Variants in GABBR1 observed in about 807,000 individuals in gnomAD.
The protein encoded by GABBR1 is gamma-aminobutyric acid type B receptor subunit 1.
GABBR1 carries 35 observed loss-of-function variants against 117.7 expected under a neutral mutation model. The ratio of observed to expected loss-of-function variants is 0.30; its 90% CI spans 0.23 to 0.39. GABBR1 has a LOEUF of 0.39. GABBR1 is among the 10% of genes least tolerant of loss of function. GABBR1 has a pLI of 1.00. For missense variants in GABBR1, 709 were observed against 1,241.8 expected, an observed-to-expected ratio of 0.57 and a Z score of 6.45; for synonymous variants, 442 against 486.6, an observed-to-expected ratio of 0.91 and a Z score of 1.21.
At position 29,604,603 on chromosome 6, in the gene GABBR1, G is replaced by A. The variant is rs746879469; in HGVS notation, c.2603C>T (p.Ser868Leu). The A allele has an allele frequency of 6.8e-6, 11 of 1,613,066 alleles. No homozygotes were observed. The highest frequency in any genetic ancestry group is 4.0e-5 in the African/African-American group (3 of 74,900). The stretch of plus-strand genomic sequence containing the variant: ...TGTCTTCATGGTGTCCTGCGCCTCC[G>A]ACTGCCATTCCCCTCGGGTGATCAG... ...RRLITRGEWQ[S>L]EAQDTMKTGS... The change falls in exon 22 of 23, where the codon TCG becomes TTG. Residue 868 changes from serine to leucine, a missense_variant. By Grantham distance (145) the Ser-to-Leu change is moderately radical. Transcript: ENST00000377034. This position sits in a 1 kb window ranked among gnomAD's most constrained non-coding sequence, Gnocchi z 5.3.
rs182037569 is a variant in GABBR1, at chr6:29,610,328, A to C, written c.1708+596T>G. Among the ~76,000 whole-genome samples, 4 of 152,336 alleles carry C rather than the reference A, an allele frequency of 2.6e-5. No individual in the cohort carries two copies. The East Asian group carries it at 5.8e-4, about 22-fold the overall frequency. Reference sequence around the variant, plus strand: ...TTTGAGGGATGTAATACTACCTATTAGGTACAAGGTGCACTGTTCGGGTGA... The same window carrying C: ...TTTGAGGGATGTAATACTACCTATTCGGTACAAGGTGCACTGTTCGGGTGA... On this transcript the variant is annotated intron_variant, in intron 14 of 22. Transcript: ENST00000377034.
At position 29,611,849 on chromosome 6, in the gene GABBR1, T is replaced by TAA. The variant is rs28383950; in HGVS notation, c.1630+700_1630+701dup. ...AGCAAGGAAATTTGGCAGATTCCCT[T>TAA]AAAAAAAAAATAGCGGTTCTCCTAG... On this transcript the variant is annotated intron_variant, in intron 13 of 22. Coordinates refer to ENST00000377034, the MANE Select transcript of GABBR1 (RefSeq NM_001470.4). This position sits in a 1 kb window ranked among gnomAD's most constrained non-coding sequence, Gnocchi z 4.6. 6.7e-6 allele frequency among the ~76,000 whole-genome samples: 1 copy of TAA among 149,734 alleles called. No homozygotes were observed. The highest frequency in any genetic ancestry group is 2.4e-5 in the African/African-American group (1 of 40,898).
rs1762282483 is a variant in GABBR1 at position 29,609,289 on chromosome 6, C to T, written c.1799G>A (p.Ser600Asn). ...GACAACAGCTAGGACAATGCCCAGG[C>T]TGGAGAGAACTGAGACGGAGATAAA... ...KLFISVSVLS[S>N]LGIVLAVVCL... Residue 600 changes from serine (S) to asparagine (N), a missense_variant, in exon 15 of 23, where the codon AGC becomes AAC. Physicochemically the swap from Ser to Asn is conservative, Grantham distance 46. Around this residue, in one of 9 missense-constraint regions of GABBR1, gnomAD observed 251 missense variants for 445.3 expected, o/e 0.56. Transcript: ENST00000377034. The surrounding 1 kb of genome is among the most constrained non-coding windows in gnomAD (Gnocchi z 4.3). 6.2e-7 allele frequency: 1 copy of T among 1,612,842 alleles called. No homozygotes were observed. The highest frequency in any genetic ancestry group is 1.3e-5 in the African/African-American group (1 of 74,888).
At position 29,631,300 on chromosome 6, in the gene GABBR1, C is replaced by T; in HGVS notation, c.289+96G>A. 8.0e-7 allele frequency: 1 copy of T among 1,243,154 alleles called. No homozygotes were observed. The highest frequency in any genetic ancestry group is 1.3e-5 in the South Asian group (1 of 79,164). The allele number at this position is 1,243,154 out of a possible 1,614,324, so 77.0% of individuals were successfully genotyped here. The stretch of plus-strand genomic sequence containing the variant: ...AAATGTATTTGTGAATTTTGGTATA[C>T]TGGATTTAAAGTGCTGACTTGCAAG... On this transcript the variant is annotated intron_variant, in intron 3 of 22. Transcript: ENST00000377034. This position sits in a 1 kb window ranked among gnomAD's most constrained non-coding sequence, Gnocchi z 5.9.
Position 29,603,370 on chromosome 6 carries a change from T to C in GABBR1, c.*173A>G, listed in dbSNP as rs1761583174. On this transcript the variant is annotated 3_prime_UTR_variant, in exon 23 of 23. Coordinates refer to ENST00000377034, the MANE Select transcript of GABBR1 (RefSeq NM_001470.4). Reference sequence around the variant, plus strand: ...GAGAAAAAGGTCTGTTTCCCAGAGGTATGAGAGACCCAAATCAGCCCAGAA... The same window carrying C: ...GAGAAAAAGGTCTGTTTCCCAGAGGCATGAGAGACCCAAATCAGCCCAGAA... 1 of 717,190 alleles carries C rather than the reference T, an allele frequency of 1.4e-6. No homozygotes were observed. Among genetic ancestry groups the C allele is most frequent in the African/African-American group, 1.7e-5 (1 of 57,320 alleles). The allele number at this position is 717,190 out of a possible 1,614,324, so 44.4% of individuals were successfully genotyped here. A position where few individuals can be genotyped will look rare whatever the true frequency, so the allele number is the denominator to read the frequency against.
rs2127428160 is a variant in GABBR1 at position 29,620,260 on chromosome 6, C to T, written c.1323+841G>A. Among the ~76,000 whole-genome samples the T allele has an allele frequency of 6.6e-6, 1 of 152,308 alleles. No individual in the cohort carries two copies. Among genetic ancestry groups the T allele is most frequent in the South Asian group, 2.1e-4 (1 of 4,822 alleles). On this transcript the variant is annotated intron_variant, in intron 11 of 22. Coordinates refer to ENST00000377034, the MANE Select transcript of GABBR1 (RefSeq NM_001470.4). The surrounding 1 kb of genome is among the most constrained non-coding windows in gnomAD (Gnocchi z 4.5). ...ATCCCTGAAATCATGAATCTAAGTA[C>T]CACACAAATGCCACTGTTAGTAAAA...
In GABBR1 at chr6:29,607,619, G is replaced by C. The variant is rs1168058475; in HGVS notation, c.1993-401C>G. On this transcript the variant is annotated intron_variant, in intron 16 of 22. Coordinates refer to ENST00000377034, the MANE Select transcript of GABBR1 (RefSeq NM_001470.4). This position sits in a 1 kb window ranked among gnomAD's most constrained non-coding sequence, Gnocchi z 5.0. ...AGCCCCACACCTACCCCACGCTCCA[G>C]CCATGCTGAACTACTCACTTTCTCT... Among the ~76,000 whole-genome samples the C allele has an allele frequency of 6.6e-6, 1 of 152,142 alleles. No homozygotes were observed. Among genetic ancestry groups the C allele is most frequent in the African/African-American group, 2.4e-5 (1 of 41,422 alleles).
chr6:29,606,998 C>T lies in GABBR1; in HGVS notation c.2116G>A (p.Glu706Lys), dbSNP rs1283429684. The change falls in exon 18 of 23, where the codon GAA becomes AAA. Residue 706 changes from glutamate to lysine, a missense_variant. Coordinates refer to ENST00000377034, the MANE Select transcript of GABBR1 (RefSeq NM_001470.4). This position sits in a 1 kb window ranked among gnomAD's most constrained non-coding sequence, Gnocchi z 4.5. ...EEKKEWRKTL[E>K]PWKLYATVGL... ...ACTGTGGCATACAGCTTCCAGGGTT[C>T]CAGAGTCTGGATAAATATGTGGGGA... 6.2e-7 allele frequency: 1 copy of T among 1,613,878 alleles called. No individual in the cohort carries two copies. The highest frequency in any genetic ancestry group is 8.5e-7 in the Non-Finnish European group (1 of 1,179,828).
rs1045484909 is a variant in GABBR1, at chr6:29,613,919, C to A, written c.1324-434G>T. Among the ~76,000 whole-genome samples the A allele has an allele frequency of 6.6e-6, 1 of 152,170 alleles. No homozygotes were observed. Among genetic ancestry groups the A allele is most frequent in the African/African-American group, 2.4e-5 (1 of 41,428 alleles). On this transcript the variant is annotated intron_variant, in intron 11 of 22. Transcript: ENST00000377034. This position sits in a 1 kb window ranked among gnomAD's most constrained non-coding sequence, Gnocchi z 4.1. ...ACAGCTCCTACAATTCCAAAAGATT[C>A]TAGAAAAGGTGATAGCAGTCTTCTC...
Position 29,630,725 on chromosome 6 carries a change from G to A in GABBR1, c.290-82C>T, listed in dbSNP as rs909427371. 7 of 1,219,194 alleles carry A rather than the reference G, an allele frequency of 5.7e-6. No individual in the cohort carries two copies. Among genetic ancestry groups the A allele is most frequent in the African/African-American group, 3.0e-5 (2 of 66,190 alleles). The allele number at this position is 1,219,194 out of a possible 1,614,324, so 75.5% of individuals were successfully genotyped here. ...TAAAGAGCAGGGGACTCAGGTGCAG[G>A]TTTGGGTCCACAAGCATCCTGCTCT... On this transcript the variant is annotated intron_variant, in intron 3 of 22. Transcript: ENST00000377034. This position sits in a 1 kb window ranked among gnomAD's most constrained non-coding sequence, Gnocchi z 4.9.
chr6:29,603,880 A>G (rs1761671856), intron 22 of GABBR1, among the ~76,000 whole-genome samples, 164 bp from the exon 23 acceptor site: 2 of 152,120 alleles, frequency 1.3e-5, no homozygotes, highest in Admixed American at 6.5e-5. Context: ...GGAGAAATCA[A>G]AACAGAACAA....
rs1256783849 is a variant in GABBR1 at position 29,623,552 on chromosome 6, C to A, written c.793-77G>T. ...AGAGTGGCCAAGAGTTCCTTTAACC[C>A]TCTTCCTGCCTTTGGGTTTCTCTTC... On this transcript the variant is annotated intron_variant, in intron 7 of 22. Coordinates refer to ENST00000377034, the MANE Select transcript of GABBR1 (RefSeq NM_001470.4). The surrounding 1 kb of genome is among the most constrained non-coding windows in gnomAD (Gnocchi z 6.2). 3 of 1,410,214 alleles carry A rather than the reference C, an allele frequency of 2.1e-6. No homozygotes were observed. The highest frequency in any genetic ancestry group is 2.9e-6 in the Non-Finnish European group (3 of 1,023,438). 87.4% of individuals were successfully genotyped at this position (1,410,214 alleles called of 1,614,324 possible). A position where few individuals can be genotyped will look rare whatever the true frequency, so the allele number is the denominator to read the frequency against.
In GABBR1 at chr6:29,611,009, G is replaced by A; in HGVS notation, c.1631-8C>T. ...TCTTCTTGTAGCTGCCACCTGGGCAGACGACAATAAAAGGAGTGACCACAG... is the reference window on the plus strand; with the variant it reads ...TCTTCTTGTAGCTGCCACCTGGGCAAACGACAATAAAAGGAGTGACCACAG... On this transcript the variant is annotated splice_polypyrimidine_tract_variant and splice_region_variant and intron_variant, in intron 13 of 22. Transcript: ENST00000377034. The surrounding 1 kb of genome is among the most constrained non-coding windows in gnomAD (Gnocchi z 4.6). The A allele has an allele frequency of 1.2e-6, 2 of 1,611,996 alleles. No homozygotes were observed. The highest frequency in any genetic ancestry group is 1.7e-6 in the Non-Finnish European group (2 of 1,179,054).
chr6:29,612,730 C>G (rs1451347978), intron 12 of GABBR1, 116 bp from the exon 13 acceptor site: 2 of 900,102 alleles, frequency 2.2e-6, no homozygotes, highest in Non-Finnish European at 3.7e-6. Flanking sequence ...TGAATGAATG[C>G]TATTTATGGC....
chr6:29,621,360 A>G lies in GABBR1; in HGVS notation c.1132-68T>C. The G allele has an allele frequency of 3.1e-6, 4 of 1,282,896 alleles. No individual in the cohort carries two copies. The highest frequency in any genetic ancestry group is 4.7e-5 in the East Asian group (2 of 42,630). 79.5% of individuals were successfully genotyped at this position (1,282,896 alleles called of 1,614,324 possible). A position where few individuals can be genotyped will look rare whatever the true frequency, so the allele number is the denominator to read the frequency against. ...GTTTGTTTTTGTCTTATCTCACTTGATACTATTTAGCCTCTTGGGAATCAG... is the reference window on the plus strand; with the variant it reads ...GTTTGTTTTTGTCTTATCTCACTTGGTACTATTTAGCCTCTTGGGAATCAG... On this transcript the variant is annotated intron_variant, in intron 10 of 22. Transcript: ENST00000377034. This position sits in a 1 kb window ranked among gnomAD's most constrained non-coding sequence, Gnocchi z 5.0.
chr6:29,603,528 TC>T lies in GABBR1; in HGVS notation c.*14del. ...TTTCCCTCCCCCTACTGGCCTGTCCTCCCTCACCCTACCCTCACTTATAAAG... is the reference window on the plus strand; with the variant it reads ...TTTCCCTCCCCCTACTGGCCTGTCCTCCTCACCCTACCCTCACTTATAAAG... On this transcript the variant is annotated 3_prime_UTR_variant, in exon 23 of 23. Coordinates refer to ENST00000377034, the MANE Select transcript of GABBR1 (RefSeq NM_001470.4). 6.5e-7 allele frequency: 1 copy of T among 1,548,960 alleles called. No individual in the cohort carries two copies. Among genetic ancestry groups the T allele is most frequent in the South Asian group, 1.2e-5 (1 of 82,396 alleles).
In GABBR1 at chr6:29,632,776, G is replaced by A. The variant is rs1159492616; in HGVS notation, c.-1+74C>T. On this transcript the variant is annotated intron_variant, in intron 1 of 22. Transcript: ENST00000377034. This position sits in a 1 kb window ranked among gnomAD's most constrained non-coding sequence, Gnocchi z 5.8. ...CCCGCTTCCCCCAGCTGGGCCCTGC[G>A]CCCACTGCCCCCTCCCCCACCACGC... 4 of 902,038 alleles carry A rather than the reference G, an allele frequency of 4.4e-6. No individual in the cohort carries two copies. The highest frequency in any genetic ancestry group is 4.2e-6 in the Non-Finnish European group (3 of 708,412). The allele number at this position is 902,038 out of a possible 1,614,324, so 55.9% of individuals were successfully genotyped here. A position where few individuals can be genotyped will look rare whatever the true frequency, so the allele number is the denominator to read the frequency against.
intron 11 of GABBR1, among the ~76,000 whole-genome samples, chr6:29,615,884 T>C (rs763440604): frequency 6.6e-6 from 1 of 151,838 alleles, no homozygotes; most frequent in African/African-American, 2.4e-5. Flanking sequence ...CTGGCCAACA[T>C]GGTGAAACCC....
Position 29,632,032 on chromosome 6 carries a change from A to C in GABBR1, c.85+269T>G, listed in dbSNP as rs921873748. On this transcript the variant is annotated intron_variant, in intron 2 of 22. Transcript: ENST00000377034. The surrounding 1 kb of genome is among the most constrained non-coding windows in gnomAD (Gnocchi z 5.8). The stretch of plus-strand genomic sequence containing the variant: ...AGAAAAGGGAGTAATTGAGGTAGTA[A>C]TGTGGGGCTGGGAAAGGGGATTGAG... Among the ~76,000 whole-genome samples the C allele has an allele frequency of 1.3e-5, 2 of 151,996 alleles. No individual in the cohort carries two copies. The highest frequency in any genetic ancestry group is 2.9e-5 in the Non-Finnish European group (2 of 67,996).
Sources: gnomAD v4.1 joint callset for allele counts (sites outside exome capture counted in the v4.1 genomes callset) on GRCh38, gnomAD v4.1.1 for gene constraint, gnomAD v4.1.1 regional missense constraint, Gnocchi (gnomAD v3.1) non-coding constraint, MANE v1.5 for transcripts, NCBI Gene and HGNC (gene_info 2026-07-23, HGNC 2026-07-21) for gene names.